RABGAP1: variants seen among roughly 807,000 people sequenced by gnomAD.
RABGAP1 encodes the protein rab GTPase-activating protein 1.
In RABGAP1, 23 loss-of-function variants were observed where a neutral mutation model predicts 137.6. The observed-to-expected ratio is 0.17, with a 90% CI of 0.12 to 0.24. The LOEUF is 0.24. Among genes scored for constraint, RABGAP1 ranks in the 10% least tolerant of loss-of-function variants. The pLI, the probability that RABGAP1 is intolerant of heterozygous loss-of-function variation, is 1.00. For missense variants in RABGAP1, 906 were observed against 1,275.8 expected (o/e 0.71, Z 4.42); for synonymous variants, 451 against 450.7 (o/e 1.00, Z -0.01).
At chr9:123,084,303 T>C (rs188956940) in intron 19 of RABGAP1, among the ~76,000 whole-genome samples, 36 of 152,366 alleles carry the variant, frequency 2.4e-4, no homozygotes, top group Middle Eastern at 3.4e-3. Context: ...AACAGGAAGA[T>C]AGACTTGTGT....
At chr9:122,993,661 C>T (rs980748495) in intron 6 of RABGAP1, among the ~76,000 whole-genome samples, 1 of 152,118 alleles carries the variant, frequency 6.6e-6, no homozygotes, top group East Asian at 1.9e-4. Flanking sequence ...GAGACAGGGT[C>T]TCACACTTTT....
At chr9:122,998,791 G>C in intron 10 of RABGAP1, 25 bp downstream of exon 10, 1 of 1,448,604 alleles carries the variant, frequency 6.9e-7, no homozygotes, top group South Asian at 1.3e-5. Context: ...TATTAATATA[G>C]AAGGGGGAAT....
At chr9:123,006,387 C>T (rs927221563) in intron 10 of RABGAP1, among the ~76,000 whole-genome samples, 2 of 152,116 alleles carry the variant, frequency 1.3e-5, no homozygotes, top group Non-Finnish European at 2.9e-5. Flanking sequence ...TGGTATATAG[C>T]GTAAAGTGTG....
intron 1 of RABGAP1, among the ~76,000 whole-genome samples, chr9:122,950,084 A>G (rs1325856387): frequency 6.6e-6 from 1 of 152,236 alleles, no homozygotes; most frequent in African/African-American, 2.4e-5. Context: ...AGTCAGGAGC[A>G]ATAAATAGTT....
intron 13 of RABGAP1, chr9:123,034,777 A>G (rs777827069): frequency 1.6e-5 from 26 of 1,613,568 alleles, no homozygotes; most frequent in South Asian, 1.4e-4. Flanking sequence ...TATCCAGACT[A>G]TGGCATATGC....
rs1298684551 is a variant in RABGAP1 at position 123,058,057 on chromosome 9, A to AGGGGGAG, written c.1795-7290_1795-7284dup. Among the ~76,000 whole-genome samples the AGGGGGAG allele has an allele frequency of 4.6e-4, 59 of 127,924 alleles. 1 individual carries two copies. The highest frequency in any genetic ancestry group is 1.6e-3 in the African/African-American group (56 of 35,810). 83.9% of individuals were successfully genotyped at this position (127,924 alleles called of 152,430 possible). ...GGGAGACCGTGGAAAGAGAGGGGAG[A>AGGGGGAG]GGGGGAGAGGGGGAGGAGGGAGAGG... On this transcript the variant is annotated intron_variant, in intron 13 of 25. Transcript: ENST00000373647.
chr9:123,091,843 A>G (rs1283720002), intron 21 of RABGAP1, among the ~76,000 whole-genome samples: 1 of 151,974 alleles, frequency 6.6e-6, no homozygotes, highest in Non-Finnish European at 1.5e-5. Context: ...TTTCCTCCTT[A>G]CGGTGCAAAT....
chr9:122,995,516 T>C (rs1223173781), intron 6 of RABGAP1, among the ~76,000 whole-genome samples: 1 of 151,966 alleles, frequency 6.6e-6, no homozygotes, highest in Non-Finnish European at 1.5e-5. Flanking sequence ...ATAGGAGTGA[T>C]TTTTTTAGCT....
chr9:123,043,238 G>A (rs1022597521), intron 13 of RABGAP1, among the ~76,000 whole-genome samples: 7 of 152,194 alleles, frequency 4.6e-5, no homozygotes. Context: ...CAGGGTCTCT[G>A]ACACAGGAGG....
chr9:122,932,300 T>C, the RABGAP1 span, among the ~76,000 whole-genome samples: 2 of 152,178 alleles, frequency 1.3e-5, no homozygotes, highest in African/African-American at 2.4e-5. Context: ...TAAAACTTGA[T>C]GGTCTTGAAC....
At chr9:123,077,533 C>A (rs1412787513) in intron 19 of RABGAP1, among the ~76,000 whole-genome samples, 1 of 152,116 alleles carries the variant, frequency 6.6e-6, no homozygotes, top group Non-Finnish European at 1.5e-5. Flanking sequence ...TTTATCACTT[C>A]AAGTGGCATT....
At chr9:123,076,829 A>G (rs2034525438) in intron 19 of RABGAP1, 67 bp downstream of exon 19, 3 of 1,110,182 alleles carry the variant, frequency 2.7e-6, no homozygotes, top group East Asian at 3.4e-5. Flanking sequence ...CTGATCATTT[A>G]TAATACATAA....
At chr9:123,041,369 T>C (rs1024287230) in intron 13 of RABGAP1, among the ~76,000 whole-genome samples, 13 of 152,224 alleles carry the variant, frequency 8.5e-5, no homozygotes, top group African/African-American at 3.1e-4. Flanking sequence ...CAGGTAGTTA[T>C]TTTGAATTTT....
chr9:123,049,977 G>A (rs1401250052), intron 13 of RABGAP1, among the ~76,000 whole-genome samples: 1 of 152,238 alleles, frequency 6.6e-6, no homozygotes, highest in African/African-American at 2.4e-5. Context: ...AAATTAGTAA[G>A]TGGGAGAGGC....
chr9:122,980,975 G>A (rs899860331), intron 2 of RABGAP1, among the ~76,000 whole-genome samples: 1 of 152,118 alleles, frequency 6.6e-6, no homozygotes, highest in Non-Finnish European at 1.5e-5. Flanking sequence ...TAGATTTGAG[G>A]CAGTGTTTCT....
chr9:123,079,236 TTTG>T (rs1455032163), intron 19 of RABGAP1, among the ~76,000 whole-genome samples: 80 of 145,916 alleles, frequency 5.5e-4, no homozygotes, highest in Non-Finnish European at 8.4e-4. Context: ...TTTGTTTTGT[TTTG>T]TTTTTTTTTT....
intron 22 of RABGAP1, 79 bp downstream of exon 22, chr9:123,097,924 C>T: frequency 2.6e-6 from 3 of 1,166,990 alleles, no homozygotes; most frequent in Non-Finnish European, 3.7e-6. Flanking sequence ...CCTGTTGGCA[C>T]TAGAAAACCT....
chr9:123,002,012 A>G (rs1041211252), intron 10 of RABGAP1, among the ~76,000 whole-genome samples: 2 of 152,216 alleles, frequency 1.3e-5, no homozygotes, highest in African/African-American at 4.8e-5. Context: ...AGAGATTAAG[A>G]GAGAATGATC....
chr9:122,997,219 C>A, intron 8 of RABGAP1, 40 bp from the exon 9 acceptor site: 1 of 1,477,876 alleles, frequency 6.8e-7, no homozygotes, highest in South Asian at 1.2e-5. Flanking sequence ...GTTGTTCACT[C>A]ACTGTGGCAT....
Sources: allele counts gnomAD v4.1 joint callset (sites outside exome capture counted in the v4.1 genomes callset), GRCh38; gene constraint gnomAD v4.1.1; transcripts MANE v1.5; gene names NCBI Gene and HGNC (gene_info 2026-07-23, HGNC 2026-07-21).